The following DUT variants were observed in gnomAD, a reference collection of about 807,000 sequenced individuals.
DUT encodes the protein deoxyuridine 5'-triphosphate nucleotidohydrolase, mitochondrial.
DUT carries 21 observed loss-of-function variants against 28.8 expected under a neutral mutation model. That is an observed-to-expected ratio of 0.73 (90% CI 0.52 to 1.05). The LOEUF (loss-of-function observed/expected upper bound fraction) is 1.05, where lower values mean the gene tolerates loss of function less well. Ranked by LOEUF, DUT falls within the 50% of genes least tolerant of loss-of-function variation. DUT has a pLI of 0.00. For synonymous variants in DUT, 147 were observed against 143.7 expected (o/e 1.02, Z -0.17); for missense variants, 344 against 351.8 (o/e 0.98, Z 0.18).
rs1425549564 is a variant in DUT, at chr15:48,331,499, C to T, written c.-17C>T. 2 of 1,611,220 alleles carry T rather than the reference C, an allele frequency of 1.2e-6. No homozygotes were observed. Among genetic ancestry groups the T allele is most frequent in the African/African-American group, 2.7e-5 (2 of 74,792 alleles). ...CCGGAGGTGCCGAGGACCCAACCAG[C>T]CCAAACTCTGGGGGAAATGACTCCC... is the stretch of plus-strand genomic sequence containing the variant. On this transcript the variant is annotated 5_prime_UTR_variant, in exon 1 of 7. Coordinates refer to ENST00000331200, the MANE Select transcript of DUT (RefSeq NM_001025248.2).
chr15:48,334,659 G>T, intron 3 of DUT, 151 bp downstream of exon 3: 1 of 517,746 alleles, frequency 1.9e-6, no homozygotes. Context: ...TCTTTGAAAG[G>T]CTTTATTTAC....
chr15:48,342,191 A>C lies in DUT; in HGVS notation c.*113A>C. The C allele has an allele frequency of 1.7e-6, 1 of 583,118 alleles. No homozygotes were observed. Among genetic ancestry groups the C allele is most frequent in the Non-Finnish European group, 2.7e-6 (1 of 364,642 alleles). The allele number at this position is 583,118 out of a possible 1,614,324, so 36.1% of individuals were successfully genotyped here. A position where few individuals can be genotyped will look rare whatever the true frequency, so the allele number is the denominator to read the frequency against. On this transcript the variant is annotated 3_prime_UTR_variant, in exon 7 of 7. Transcript: ENST00000331200. The stretch of plus-strand genomic sequence containing the variant: ...GCACTTCTGTAAACTTACTAGCTTT[A>C]CCTTCTAAAAGTACTGCATTTTTTA...
chr15:48,332,184 T>C, intron 1 of DUT, 84 bp from the exon 2 acceptor site: 2 of 1,489,298 alleles, frequency 1.3e-6, no homozygotes, highest in South Asian at 1.4e-5. Context: ...GCGCGCTCCC[T>C]GCGGCGACGC....
chr15:48,331,232 T>A, upstream of DUT: 1 of 1,486,240 alleles, frequency 6.7e-7, no homozygotes, highest in East Asian at 2.6e-5. Context: ...TGGCGTACAC[T>A]CTCGGAAAAA....
chr15:48,336,783 G>A (rs945664541), intron 4 of DUT, among the ~76,000 whole-genome samples: 8 of 152,188 alleles, frequency 5.3e-5, no homozygotes, highest in Non-Finnish European at 1.2e-4. Flanking sequence ...CCCCACATAA[G>A]TAGGTGTGCT....
rs1272733576 is a variant in DUT, at chr15:48,336,053, G to T, written c.519G>T (p.Arg173=). ...TCCTTTTTTGTTTTTTAGCTCCACG[G>T]TCAGGCTTGGCTGCAAAACACTTTA... ...PSGCYGRVAP[R]SGLAAKHFID... Residue 173 remains arginine (R), a synonymous_variant, in exon 4 of 7, where the codon CGG becomes CGT. Transcript: ENST00000331200. The T allele has an allele frequency of 1.2e-6, 2 of 1,604,186 alleles. No individual in the cohort carries two copies.
chr15:48,334,324 A>G lies in DUT; in HGVS notation c.420-93A>G, dbSNP rs559646487. 1.6e-5 allele frequency: 12 copies of G among 772,374 alleles called. No individual in the cohort carries two copies. In the Admixed American group the frequency reaches 3.1e-4, roughly 20 times the overall value. The allele number at this position is 772,374 out of a possible 1,614,324, so 47.8% of individuals were successfully genotyped here. A position where few individuals can be genotyped will look rare whatever the true frequency, so the allele number is the denominator to read the frequency against. On this transcript the variant is annotated intron_variant, in intron 2 of 6. Coordinates refer to ENST00000331200, the MANE Select transcript of DUT (RefSeq NM_001025248.2). ...AAAGTTGCATTAATTCATTAAATACACTGAAAGTAATTTTGTATGCTTGGT... is the reference window on the plus strand; with the variant it reads ...AAAGTTGCATTAATTCATTAAATACGCTGAAAGTAATTTTGTATGCTTGGT...
chr15:48,343,371 T>C lies in DUT; in HGVS notation c.*1293T>C, dbSNP rs1342787685. Reference sequence around the variant, plus strand: ...AATTTTAAATGTTTTCCTGCTAAACTAACCAGAATGAATTCTGTTTTGTGC... The same window carrying C: ...AATTTTAAATGTTTTCCTGCTAAACCAACCAGAATGAATTCTGTTTTGTGC... On this transcript the variant is annotated 3_prime_UTR_variant, in exon 7 of 7. Transcript: ENST00000331200. 1 of 152,226 alleles carries C rather than the reference T, an allele frequency of 6.6e-6. No homozygotes were observed. The allele number at this position is 152,226 out of a possible 1,614,324, so 9.4% of individuals were successfully genotyped here.
chr15:48,332,861 C>T (rs2042434003), intron 2 of DUT: 2 of 442,726 alleles, frequency 4.5e-6, no homozygotes, highest in African/African-American at 2.0e-5. Flanking sequence ...CATCTGAAAA[C>T]GAAAGGCAGA....
Position 48,343,282 on chromosome 15 carries a change from C to CA in DUT, c.*1205dup, listed in dbSNP as rs1328403152. On this transcript the variant is annotated 3_prime_UTR_variant, in exon 7 of 7. Coordinates refer to ENST00000331200, the MANE Select transcript of DUT (RefSeq NM_001025248.2). ...TCATTAGTGAGCCATGAAATCAACT[C>CA]AGTGGGACATAGCCAGCATTTTTGC... The CA allele has an allele frequency of 2.6e-5, 4 of 152,194 alleles. No homozygotes were observed. Among genetic ancestry groups the CA allele is most frequent in the African/African-American group, 9.7e-5 (4 of 41,442 alleles). The allele number at this position is 152,194 out of a possible 1,614,324, so 9.4% of individuals were successfully genotyped here.
chr15:48,340,614 T>A (rs572693721), intron 4 of DUT, among the ~76,000 whole-genome samples: 1 of 152,176 alleles, frequency 6.6e-6, no homozygotes, highest in Non-Finnish European at 1.5e-5. Context: ...TGCAAAGATC[T>A]TCTCCCCCTG....
At chr15:48,333,112 G>A (rs2042436550) in intron 2 of DUT, among the ~76,000 whole-genome samples, 2 of 151,344 alleles carry the variant, frequency 1.3e-5, no homozygotes, top group Admixed American at 6.6e-5. Context: ...CCAGTTCTTA[G>A]AACCATTAAG....
chr15:48,341,579 A>G lies in DUT; in HGVS notation c.696A>G (p.Glu232=). The G allele has an allele frequency of 6.2e-7, 1 of 1,609,976 alleles. No homozygotes were observed. Among genetic ancestry groups the G allele is most frequent in the Non-Finnish European group, 8.5e-7 (1 of 1,176,996 alleles). The change falls in exon 6 of 7, where the codon GAA becomes GAG. Residue 232 remains glutamate (E), a synonymous_variant. Transcript: ENST00000331200. ...CERIFYPEIE[E]VQALDDTERG... ...GGATTTTTTATCCAGAAATAGAAGA[A>G]GTTCAAGTAAGTATTACAAAGGAAG...
chr15:48,331,171 C>A (rs751695467), upstream of DUT: 288 of 1,518,796 alleles, frequency 1.9e-4, 1 homozygote, highest in African/African-American at 3.6e-3. Flanking sequence ...GGAGTCATGG[C>A]TGCGGGCGGT....
intron 2 of DUT, among the ~76,000 whole-genome samples, chr15:48,333,074 C>CTT (rs548604053): frequency 6.9e-6 from 1 of 145,326 alleles, no homozygotes; most frequent in Admixed American, 6.9e-5. Flanking sequence ...GAATTTTGGG[C>CTT]TTTTTTTTTT....
chr15:48,338,457 CTT>C (rs924075505), intron 4 of DUT, among the ~76,000 whole-genome samples: 6 of 151,808 alleles, frequency 4.0e-5, no homozygotes, highest in African/African-American at 1.5e-4. Flanking sequence ...ATATTTGCAA[CTT>C]ATATGAAAAA....
rs1431791338 is a variant in DUT at position 48,335,842 on chromosome 15, G to A, written c.512-204G>A. ...TAAGTTAGTTTTGAATTAAAACCTT[G>A]TGGAATTTTTCTAAACTAGTCTTTC... On this transcript the variant is annotated intron_variant, in intron 3 of 6. Coordinates refer to ENST00000331200, the MANE Select transcript of DUT (RefSeq NM_001025248.2). Among the ~76,000 whole-genome samples, 3 of 152,314 alleles carry A rather than the reference G, an allele frequency of 2.0e-5. No individual in the cohort carries two copies. The East Asian group carries it at 5.8e-4, about 29-fold the overall frequency.
chr15:48,342,020 A>C lies in DUT; in HGVS notation c.703-2A>C. On this transcript the variant is annotated splice_acceptor_variant, in intron 6 of 6. Transcript: ENST00000331200. LOFTEE classifies it high-confidence loss of function. ...GAAGCTTACTACCTTTCTATCTTTCAGGCCTTGGATGACACCGAAAGGGGT... is the reference window on the plus strand; with the variant it reads ...GAAGCTTACTACCTTTCTATCTTTCCGGCCTTGGATGACACCGAAAGGGGT... The C allele has an allele frequency of 6.4e-7, 1 of 1,571,780 alleles. No individual in the cohort carries two copies. Among genetic ancestry groups the C allele is most frequent in the Non-Finnish European group, 8.6e-7 (1 of 1,165,218 alleles).
chr15:48,331,589 A>C lies in DUT; in HGVS notation c.74A>C (p.Asn25Thr), dbSNP rs769538363. The change falls in exon 1 of 7, where the codon AAC becomes ACC. Residue 25 changes from asparagine (N) to threonine (T), a missense_variant. Transcript: ENST00000331200. ...LTSLLRSAMQ[N>T]ARGARQRAEA... ...TCTCTGCTTCGCTCAGCGATGCAAA[A>C]CGCGCGAGGCGCACGGCAGAGGGCC... The C allele has an allele frequency of 6.3e-7, 1 of 1,587,002 alleles. No homozygotes were observed. The highest frequency in any genetic ancestry group is 1.8e-5 in the Admixed American group (1 of 56,230).
Sources: allele counts gnomAD v4.1 joint callset (sites outside exome capture counted in the v4.1 genomes callset), GRCh38; gene constraint gnomAD v4.1.1; transcripts MANE v1.5; gene names NCBI Gene and HGNC (gene_info 2026-07-23, HGNC 2026-07-21).